DIAPH3: variants seen among roughly 807,000 people sequenced by gnomAD.
DIAPH3 encodes diaphanous related formin 3, also known as protein diaphanous homolog 3.
In DIAPH3, 117 loss-of-function variants were observed where a neutral mutation model predicts 144.3. The observed-to-expected ratio is 0.81, with a 90% CI of 0.70 to 0.95. DIAPH3 has a LOEUF of 0.95. Ranked by LOEUF, DIAPH3 falls within the 40% of genes least tolerant of loss-of-function variation. The pLI is 0.00. For synonymous variants in DIAPH3, 519 were observed against 488.9 expected (o/e 1.06, Z -0.81); for missense variants, 1,421 against 1,412.7 (o/e 1.01, Z -0.09).
At chr13:60,117,305 C>T (rs1395563790) in intron 2 of DIAPH3, among the ~76,000 whole-genome samples, 2 of 152,018 alleles carry the variant, frequency 1.3e-5, no homozygotes, top group Non-Finnish European at 2.9e-5. Context: ...GCTTATAAAT[C>T]CACAATGGTC....
chr13:59,824,568 A>G (rs1007141821), intron 24 of DIAPH3, among the ~76,000 whole-genome samples: 1 of 152,204 alleles, frequency 6.6e-6, no homozygotes, highest in Non-Finnish European at 1.5e-5. Context: ...ATCAGGACTA[A>G]TCATGTCTCT....
chr13:59,845,306 T>A (rs1217138627), intron 22 of DIAPH3, among the ~76,000 whole-genome samples: 2 of 152,086 alleles, frequency 1.3e-5, no homozygotes, highest in African/African-American at 4.8e-5. Flanking sequence ...ACTCCCAAAG[T>A]GTTGGAATTA....
intron 14 of DIAPH3, among the ~76,000 whole-genome samples, chr13:59,975,596 C>T (rs547224192): frequency 3.3e-5 from 5 of 152,080 alleles, no homozygotes; most frequent in Middle Eastern, 3.4e-3. Context: ...CCACATACCC[C>T]CAACCCTACA....
intron 21 of DIAPH3, among the ~76,000 whole-genome samples, chr13:59,871,284 T>G (rs2044261614): frequency 6.6e-6 from 1 of 152,036 alleles, no homozygotes; most frequent in Admixed American, 6.6e-5. Flanking sequence ...CTTTATAGCT[T>G]TTATTTTTCT....
chr13:60,140,577 C>T (rs149824296), intron 1 of DIAPH3, among the ~76,000 whole-genome samples: 1,738 of 152,038 alleles, frequency 0.011, 18 homozygotes, highest in Non-Finnish European at 0.017. Flanking sequence ...CATTAATATA[C>T]ATATATATGG....
At chr13:60,121,359 T>C (rs1239237510) in intron 2 of DIAPH3, among the ~76,000 whole-genome samples, 1 of 152,062 alleles carries the variant, frequency 6.6e-6, no homozygotes, top group East Asian at 1.9e-4. Flanking sequence ...TGGTGGTCCA[T>C]GGACCACAAG....
chr13:59,799,387 A>G (rs2039783657), intron 25 of DIAPH3, among the ~76,000 whole-genome samples: 1 of 121,654 alleles, frequency 8.2e-6, no homozygotes, highest in African/African-American at 3.5e-5. Context: ...ACACACACAC[A>G]CACACACACA....
intron 27 of DIAPH3, among the ~76,000 whole-genome samples, chr13:59,742,325 A>C (rs1183461317): frequency 2.0e-5 from 3 of 151,160 alleles, no homozygotes; most frequent in Non-Finnish European, 4.4e-5. Context: ...AGACCCAAAG[A>C]AACAGGAAAA....
chr13:59,889,363 A>G (rs973838719), intron 20 of DIAPH3, among the ~76,000 whole-genome samples: 5 of 151,834 alleles, frequency 3.3e-5, no homozygotes, highest in Admixed American at 2.6e-4. Context: ...AATTTCACTG[A>G]CTCCTCTGCC....
At chr13:59,948,231 AT>A (rs991771558) in intron 17 of DIAPH3, among the ~76,000 whole-genome samples, 2 of 152,168 alleles carry the variant, frequency 1.3e-5, no homozygotes. Flanking sequence ...TAATTTCCAC[AT>A]TAGAATCTTG....
intron 23 of DIAPH3, chr13:59,838,316 T>A (rs760682147): frequency 1.6e-4 from 24 of 152,096 alleles, no homozygotes; most frequent in Non-Finnish European, 2.5e-4. Flanking sequence ...GAGATTAAGC[T>A]ACAAAGTTAG....
At chr13:59,954,579 TTAAA>T (rs2049282486) in intron 17 of DIAPH3, among the ~76,000 whole-genome samples, 1 of 152,142 alleles carries the variant, frequency 6.6e-6, no homozygotes. Context: ...AACTCTCTTA[TTAAA>T]TAATATAGGT....
At chr13:60,063,787 G>A (rs754598992) in intron 4 of DIAPH3, among the ~76,000 whole-genome samples, 13 of 152,048 alleles carry the variant, frequency 8.5e-5, no homozygotes, top group Non-Finnish European at 1.8e-4. Context: ...AAATTAGCCA[G>A]GCATGGTGGC....
chr13:59,869,030 A>T (rs1188957018), intron 21 of DIAPH3, among the ~76,000 whole-genome samples: 2 of 152,176 alleles, frequency 1.3e-5, no homozygotes, highest in African/African-American at 4.8e-5. Context: ...AAACATTTGT[A>T]TGCAGGTTTT....
intron 27 of DIAPH3, among the ~76,000 whole-genome samples, chr13:59,750,145 A>G (rs947601147): frequency 6.6e-6 from 1 of 152,188 alleles, no homozygotes; most frequent in Non-Finnish European, 1.5e-5. Context: ...CAAGCCTACA[A>G]TATTAGTTCT....
intron 24 of DIAPH3, among the ~76,000 whole-genome samples, chr13:59,821,870 C>T (rs2041092534): frequency 6.6e-6 from 1 of 152,034 alleles, no homozygotes; most frequent in Admixed American, 6.6e-5. Context: ...TTTTTATGAC[C>T]GTGAAACTTA....
At chr13:59,983,623 A>G (rs936745384) in intron 13 of DIAPH3, 146 bp downstream of exon 13, 1 of 604,672 alleles carries the variant, frequency 1.7e-6, no homozygotes, top group Non-Finnish European at 2.9e-6. Flanking sequence ...AAAAAAGGCG[A>G]ATAATGTTTT....
chr13:59,681,767 AAGG>A (rs1338133429), intron 27 of DIAPH3, among the ~76,000 whole-genome samples: 1 of 152,178 alleles, frequency 6.6e-6, no homozygotes, highest in Non-Finnish European at 1.5e-5. Flanking sequence ...CACAATGAGG[AAGG>A]AGGCTTTGTG....
intron 20 of DIAPH3, among the ~76,000 whole-genome samples, chr13:59,907,291 C>T (rs981582846): frequency 4.6e-5 from 7 of 152,050 alleles, no homozygotes; most frequent in Non-Finnish European, 8.8e-5. Flanking sequence ...TGCCCAGAAC[C>T]TAAACCAACA....
Sources: allele counts gnomAD v4.1 joint callset (sites outside exome capture counted in the v4.1 genomes callset), GRCh38; gene constraint gnomAD v4.1.1; transcripts MANE v1.5; gene names NCBI Gene and HGNC (gene_info 2026-07-23, HGNC 2026-07-21).